The following XNDC1N variants were observed in gnomAD, a reference collection of about 807,000 sequenced individuals.
The protein encoded by XNDC1N is XRCC1 N-terminal domain containing 1, N-terminal like.
chr11:71,895,478 T>A, the XNDC1N span, among the ~76,000 whole-genome samples: 2 of 85,908 alleles, frequency 2.3e-5, no homozygotes, highest in South Asian at 3.6e-4. Context: ...CCTGGCTATT[T>A]TTTTTTTTTT....
the XNDC1N span, among the ~76,000 whole-genome samples, chr11:71,895,757 G>A: frequency 3.9e-5 from 6 of 152,188 alleles, no homozygotes; most frequent in African/African-American, 1.4e-4. Flanking sequence ...CAGTATCCCT[G>A]AAGTTTCACA....
the XNDC1N span, among the ~76,000 whole-genome samples, chr11:71,887,697 G>A: frequency 6.6e-6 from 1 of 152,156 alleles, no homozygotes; most frequent in East Asian, 1.9e-4. Flanking sequence ...CGGTCTCCAT[G>A]GAACACTCCC....
chr11:71,878,292 C>T, the XNDC1N span, among the ~76,000 whole-genome samples: 12 of 152,306 alleles, frequency 7.9e-5, no homozygotes, highest in Admixed American at 2.6e-4. Context: ...TGATTGCATG[C>T]TGTCTCCTGA....
At chr11:71,892,911 GGAT>G in the XNDC1N span, among the ~76,000 whole-genome samples, 4 of 152,068 alleles carry the variant, frequency 2.6e-5, no homozygotes, top group Non-Finnish European at 2.9e-5. Context: ...GAAAACCGAA[GGAT>G]GATGATAAAT....
chr11:71,895,272 A>G, the XNDC1N span, among the ~76,000 whole-genome samples: 4 of 152,050 alleles, frequency 2.6e-5, no homozygotes, highest in African/African-American at 9.7e-5. Context: ...ACAAATATTT[A>G]TTATGTTGTT....
the XNDC1N span, among the ~76,000 whole-genome samples, chr11:71,910,497 A>C: frequency 9.2e-5 from 14 of 152,028 alleles, no homozygotes; most frequent in Admixed American, 2.6e-4. Context: ...AGACCTCCAG[A>C]AGTTTCCCAG....
At chr11:71,923,259 C>T in the XNDC1N span, 122 of 697,428 alleles carry the variant, frequency 1.7e-4, no homozygotes, top group South Asian at 1.6e-3. Context: ...CTATTTTTTT[C>T]ACTCCTTTCA....
chr11:71,914,611 C>A, the XNDC1N span, among the ~76,000 whole-genome samples: 11 of 151,330 alleles, frequency 7.3e-5, no homozygotes, highest in Admixed American at 7.2e-4. Flanking sequence ...TGCTTGAACC[C>A]GGGAGGCAGA....
the XNDC1N span, among the ~76,000 whole-genome samples, chr11:71,908,254 A>C: frequency 1.3e-5 from 2 of 151,910 alleles, no homozygotes; most frequent in Non-Finnish European, 1.5e-5. Flanking sequence ...ATTAATAATT[A>C]TTAGGAGCTA....
chr11:71,886,998 A>G, the XNDC1N span, among the ~76,000 whole-genome samples: 1 of 152,168 alleles, frequency 6.6e-6, no homozygotes, highest in South Asian at 2.1e-4. Flanking sequence ...CTCAGCTCAA[A>G]AGAAAACAAG....
the XNDC1N span, among the ~76,000 whole-genome samples, chr11:71,899,163 C>T: frequency 6.6e-6 from 1 of 152,254 alleles, no homozygotes; most frequent in Admixed American, 6.5e-5. Context: ...CCCCAGGCCA[C>T]AGAATAGTAA....
the XNDC1N span, chr11:71,927,462 A>T: frequency 6.6e-6 from 1 of 152,158 alleles, no homozygotes; most frequent in Non-Finnish European, 1.5e-5. Flanking sequence ...CGGAGGCTGC[A>T]GTGAGCCCAG....
the XNDC1N span, among the ~76,000 whole-genome samples, chr11:71,888,257 C>T: frequency 2.2e-4 from 34 of 152,068 alleles, no homozygotes; most frequent in African/African-American, 8.0e-4. Context: ...GAAGGCAGCC[C>T]GGGATCAGAA....
the XNDC1N span, chr11:71,904,167 TA>T: frequency 2.3e-6 from 1 of 437,950 alleles, no homozygotes; most frequent in Non-Finnish European, 4.6e-6. Flanking sequence ...TAGGATGGGT[TA>T]AAAAAGGCAG....
At chr11:71,921,059 G>A in the XNDC1N span, among the ~76,000 whole-genome samples, 1 of 151,704 alleles carries the variant, frequency 6.6e-6, no homozygotes, top group Non-Finnish European at 1.5e-5. Context: ...ATCATGGCTC[G>A]CTGCAGCCTC....
At chr11:71,890,460 C>T in the XNDC1N span, among the ~76,000 whole-genome samples, 5 of 152,002 alleles carry the variant, frequency 3.3e-5, no homozygotes, top group Non-Finnish European at 7.4e-5. Context: ...GGATAGTGTA[C>T]ACCTTCTGGG....
the XNDC1N span, among the ~76,000 whole-genome samples, chr11:71,898,812 GAACGTACTTAATGTCATGAAACTGTA>G: frequency 6.6e-6 from 1 of 152,220 alleles, no homozygotes; most frequent in East Asian, 1.9e-4. Flanking sequence ...TAAACAATGT[GAACGTACTTAATGTCATGAAACTGTA>G]AACTGAAAAA....
chr11:71,903,113 C>A, the XNDC1N span: 1 of 618,696 alleles, frequency 1.6e-6, no homozygotes, highest in South Asian at 1.7e-5. Flanking sequence ...AATGCAGACA[C>A]AATGCTGGGT....
chr11:71,889,784 T>C, the XNDC1N span, among the ~76,000 whole-genome samples: 1 of 152,208 alleles, frequency 6.6e-6, no homozygotes, highest in African/African-American at 2.4e-5. Context: ...GGTCTCCAAG[T>C]GGACTTCACA....
Sources: allele counts gnomAD v4.1 joint callset (sites outside exome capture counted in the v4.1 genomes callset), GRCh38; gene constraint gnomAD v4.1.1; transcripts MANE v1.5; gene names NCBI Gene and HGNC (gene_info 2026-07-23, HGNC 2026-07-21).